Variants in ARK2N observed in about 807,000 individuals in gnomAD.
ARK2N encodes the protein arkadia (RNF111) N-terminal like PKA signaling regulator 2N.
At chr18:46,253,902 G>T in the ARK2N span, 1 of 1,466,958 alleles carries the variant, frequency 6.8e-7, no homozygotes, top group African/African-American at 1.4e-5. Context: ...AAAGAAAATG[G>T]TAGACTTTAT....
chr18:46,185,358 CTT>C, the ARK2N span, among the ~76,000 whole-genome samples: 4 of 152,174 alleles, frequency 2.6e-5, no homozygotes, highest in African/African-American at 9.7e-5. Context: ...AAAGTTAACT[CTT>C]AACTTCTTGG....
chr18:46,193,887 C>T, the ARK2N span, among the ~76,000 whole-genome samples: 1 of 152,102 alleles, frequency 6.6e-6, no homozygotes, highest in Non-Finnish European at 1.5e-5. Context: ...GCGTGAGCCA[C>T]GGTGCGGGTC....
chr18:46,238,291 C>T, the ARK2N span, among the ~76,000 whole-genome samples: 1 of 152,086 alleles, frequency 6.6e-6, no homozygotes, highest in African/African-American at 2.4e-5. Context: ...AGAAAAAGCC[C>T]TTAAAAAATA....
At chr18:46,178,055 C>G in the ARK2N span, among the ~76,000 whole-genome samples, 1 of 152,176 alleles carries the variant, frequency 6.6e-6, no homozygotes, top group Non-Finnish European at 1.5e-5. Context: ...GACATTTAAA[C>G]CTGAGGTTCG....
the ARK2N span, among the ~76,000 whole-genome samples, chr18:46,245,977 AAGACCTACACAGGCAG>A: frequency 6.8e-6 from 1 of 146,756 alleles, no homozygotes; most frequent in Non-Finnish European, 1.5e-5. Flanking sequence ...TATCTTTCCA[AAGACCTACACAGGCAG>A]AGACCTACAC....
chr18:46,173,892 G>A, the ARK2N span: 1 of 152,304 alleles, frequency 6.6e-6, no homozygotes, highest in East Asian at 1.9e-4. Flanking sequence ...ACGCCCCGCG[G>A]TCTGCAGCGG....
the ARK2N span, among the ~76,000 whole-genome samples, chr18:46,188,263 C>T: frequency 6.6e-5 from 10 of 152,156 alleles, no homozygotes; most frequent in Middle Eastern, 3.4e-3. Flanking sequence ...TGCAATGGCA[C>T]GATCTTGGCT....
At chr18:46,261,732 C>T in the ARK2N span, among the ~76,000 whole-genome samples, 1 of 152,172 alleles carries the variant, frequency 6.6e-6, no homozygotes, top group Non-Finnish European at 1.5e-5. Flanking sequence ...AGCAAATTTG[C>T]GTTCTGCCCT....
chr18:46,223,517 T>C, the ARK2N span, among the ~76,000 whole-genome samples: 2 of 152,188 alleles, frequency 1.3e-5, no homozygotes, highest in African/African-American at 2.4e-5. Flanking sequence ...GAAACAGTTA[T>C]ATTTGATAGT....
At chr18:46,176,646 A>T in the ARK2N span, among the ~76,000 whole-genome samples, 1 of 148,372 alleles carries the variant, frequency 6.7e-6, no homozygotes, top group African/African-American at 2.5e-5. Flanking sequence ...TTTTTTTGAG[A>T]TGGAGTTTTG....
At chr18:46,257,765 T>A in the ARK2N span, among the ~76,000 whole-genome samples, 1 of 152,184 alleles carries the variant, frequency 6.6e-6, no homozygotes, top group Non-Finnish European at 1.5e-5. Context: ...ATCTGTATGT[T>A]ATGGAACCGT....
the ARK2N span, among the ~76,000 whole-genome samples, chr18:46,249,028 A>T: frequency 6.6e-6 from 1 of 152,076 alleles, no homozygotes; most frequent in Non-Finnish European, 1.5e-5. Flanking sequence ...AATGTCACTT[A>T]TAGAGTTGAC....
At chr18:46,240,933 A>G in the ARK2N span, among the ~76,000 whole-genome samples, 1 of 152,222 alleles carries the variant, frequency 6.6e-6, no homozygotes, top group African/African-American at 2.4e-5. Context: ...CTAGCACTGA[A>G]CATTTAAGAA....
the ARK2N span, chr18:46,232,445 C>G: frequency 6.6e-6 from 1 of 152,076 alleles, no homozygotes; most frequent in Non-Finnish European, 1.5e-5. Context: ...AATACAGTGT[C>G]AAAACAATTT....
At chr18:46,182,033 A>C in the ARK2N span, among the ~76,000 whole-genome samples, 1 of 152,174 alleles carries the variant, frequency 6.6e-6, no homozygotes, top group African/African-American at 2.4e-5. Flanking sequence ...TAATGTCTGG[A>C]GTCTGCATTT....
the ARK2N span, among the ~76,000 whole-genome samples, chr18:46,230,663 T>G: frequency 6.6e-6 from 1 of 152,242 alleles, no homozygotes. Context: ...GATAATTTTT[T>G]TCTCTTGTTT....
chr18:46,180,141 T>C, the ARK2N span, among the ~76,000 whole-genome samples: 6 of 152,216 alleles, frequency 3.9e-5, no homozygotes, highest in Non-Finnish European at 7.3e-5. Flanking sequence ...TTGTTTCTGT[T>C]CTCTTTCATG....
chr18:46,223,226 T>C, the ARK2N span, among the ~76,000 whole-genome samples: 1 of 152,252 alleles, frequency 6.6e-6, no homozygotes, highest in Non-Finnish European at 1.5e-5. Context: ...AGATTTCATT[T>C]AGTCTTTTTT....
chr18:46,251,930 G>A, the ARK2N span, among the ~76,000 whole-genome samples: 1 of 152,146 alleles, frequency 6.6e-6, no homozygotes, highest in African/African-American at 2.4e-5. Flanking sequence ...GGTGGCTTAA[G>A]CCTGTAATCC....
Sources: gnomAD v4.1 joint callset for allele counts (sites outside exome capture counted in the v4.1 genomes callset) on GRCh38, gnomAD v4.1.1 for gene constraint, MANE v1.5 for transcripts, NCBI Gene and HGNC (gene_info 2026-07-23, HGNC 2026-07-21) for gene names.